Variants in ANKRD36C observed in about 807,000 individuals in gnomAD.
ANKRD36C encodes the protein ankyrin repeat domain-containing protein 36C.
A neutral mutation model predicts 276.4 loss-of-function variants in ANKRD36C; 61 were observed. That is an observed-to-expected ratio of 0.22 (90% CI 0.18 to 0.27). ANKRD36C has a LOEUF of 0.27. Among genes scored for constraint, ANKRD36C ranks in the 10% least tolerant of loss-of-function variants. The pLI is 1.00. For missense variants in ANKRD36C, 1,447 were observed against 2,032.3 expected (o/e 0.71, Z 5.54); for synonymous variants, 483 against 680.1 (o/e 0.71, Z 4.51).
intron 5 of ANKRD36C, among the ~76,000 whole-genome samples, chr2:95,980,361 A>G (rs1175267765): frequency 1.3e-5 from 2 of 152,124 alleles, no homozygotes; most frequent in African/African-American, 2.4e-5. Flanking sequence ...TCCTATGCAT[A>G]GGGGTTATAC....
At chr2:95,916,609 C>A (rs374479241) in intron 36 of ANKRD36C, among the ~76,000 whole-genome samples, 4 of 151,612 alleles carry the variant, frequency 2.6e-5, no homozygotes, top group Non-Finnish European at 4.4e-5. Context: ...CTTTAACTTG[C>A]CCAATAACTG....
chr2:95,892,880 G>C (rs1013424554), intron 44 of ANKRD36C, among the ~76,000 whole-genome samples: 8 of 151,186 alleles, frequency 5.3e-5, no homozygotes, highest in Non-Finnish European at 1.0e-4. Context: ...TAGTAACAAA[G>C]AGGAGTAATG....
intron 6 of ANKRD36C, among the ~76,000 whole-genome samples, chr2:95,964,124 G>C (rs1678537807): frequency 6.9e-6 from 1 of 145,898 alleles, no homozygotes; most frequent in Non-Finnish European, 1.5e-5. Flanking sequence ...ATATACCATA[G>C]GGGTCTCTCA....
intron 6 of ANKRD36C, among the ~76,000 whole-genome samples, chr2:95,971,299 A>AGGGAACT (rs57818218): frequency 2.5e-5 from 2 of 81,074 alleles, no homozygotes; most frequent in Non-Finnish European, 3.2e-5. Flanking sequence ...ATATTTAAAT[A>AGGGAACT]TAAATATAAA....
intron 17 of ANKRD36C, among the ~76,000 whole-genome samples, chr2:95,946,261 A>G (rs999581045): frequency 6.6e-6 from 1 of 151,644 alleles, no homozygotes; most frequent in African/African-American, 2.4e-5. Flanking sequence ...TTGAACAGAC[A>G]CTTCTCAAAA....
chr2:95,891,702 T>G, exon 46 of ANKRD36C: 2 of 1,578,674 alleles, frequency 1.3e-6, no homozygotes, highest in Non-Finnish European at 1.7e-6. Context: ...TTCCTCTGGC[T>G]ATATTCAAAA....
intron 26 of ANKRD36C, among the ~76,000 whole-genome samples, chr2:95,928,682 T>C (rs1412329314): frequency 6.6e-6 from 1 of 151,504 alleles, no homozygotes; most frequent in East Asian, 1.9e-4. Flanking sequence ...TATGGAGTTA[T>C]TAGGATCACT....
chr2:95,963,958 AATATATATATATAAATATATAT>A (rs1678518980), intron 6 of ANKRD36C, among the ~76,000 whole-genome samples: 1 of 63,596 alleles, frequency 1.6e-5, no homozygotes, highest in Non-Finnish European at 3.1e-5. Context: ...TATATATATA[AATATATATATATAAATATATAT>A]ATATATATAT....
chr2:95,931,783 A>G (rs1677577994), intron 24 of ANKRD36C, among the ~76,000 whole-genome samples: 1 of 149,302 alleles, frequency 6.7e-6, no homozygotes, highest in Admixed American at 6.8e-5. Flanking sequence ...TGGAACAGAA[A>G]CATTTTCATT....
At chr2:95,887,666 T>A (rs1164190441) in intron 50 of ANKRD36C, among the ~76,000 whole-genome samples, 3 of 151,734 alleles carry the variant, frequency 2.0e-5, no homozygotes, top group Admixed American at 2.0e-4. Context: ...GCTGTTCCCC[T>A]GAGCCCCTTA....
At chr2:95,974,849 T>C (rs1390688095) in intron 6 of ANKRD36C, among the ~76,000 whole-genome samples, 2 of 127,270 alleles carry the variant, frequency 1.6e-5, no homozygotes, top group Admixed American at 1.8e-4. Flanking sequence ...TTCCCCTTCC[T>C]GTGTCCATGT....
exon 41 of ANKRD36C, chr2:95,912,411 A>C: frequency 1.2e-6 from 2 of 1,604,484 alleles, no homozygotes; most frequent in Non-Finnish European, 1.7e-6. Flanking sequence ...CATTACCTTC[A>C]AGGCTGGTTT....
intron 6 of ANKRD36C, 93 bp downstream of exon 6, chr2:95,978,029 T>A (rs77678563): frequency 5.6e-5 from 23 of 408,938 alleles, no homozygotes; most frequent in Non-Finnish European, 9.4e-5. Context: ...TAAACAGTGA[T>A]TTTTTTAAAC....
At chr2:95,880,551 G>T (rs897251175) in intron 57 of ANKRD36C, 44 bp downstream of exon 77, 6 of 1,531,544 alleles carry the variant, frequency 3.9e-6, no homozygotes, top group Middle Eastern at 2.1e-4. Context: ...ATTGGTATAG[G>T]TTATGCAGTT....
intron 57 of ANKRD36C, 40 bp downstream of exon 77, chr2:95,880,555 T>C (rs1341436205): frequency 6.5e-7 from 1 of 1,533,128 alleles, no homozygotes; most frequent in East Asian, 2.5e-5. Flanking sequence ...GTATAGGTTA[T>C]GCAGTTAATA....
At chr2:95,989,616 T>C (rs1309968440) in intron 1 of ANKRD36C, among the ~76,000 whole-genome samples, 3 of 152,092 alleles carry the variant, frequency 2.0e-5, no homozygotes, top group Non-Finnish European at 4.4e-5. Context: ...TAAGCAGTGC[T>C]GAGAAAAACA....
At chr2:95,954,538 T>C in intron 13 of ANKRD36C, among the ~76,000 whole-genome samples, 1 of 152,134 alleles carries the variant, frequency 6.6e-6, no homozygotes, top group East Asian at 1.9e-4. Context: ...CCATTGATTC[T>C]TTTCACCCTA....
chr2:95,951,529 A>T (rs62154612), intron 14 of ANKRD36C, 121 bp from the exon 15 acceptor site: 20,198 of 744,948 alleles, frequency 0.027, 186 homozygotes, highest in Non-Finnish European at 0.035. Context: ...TCATATGTAG[A>T]TTCAAACCTC....
At position 95,945,192 on chromosome 2, in the gene ANKRD36C, T is replaced by C; in HGVS notation, c.1363-18A>G. On this transcript the variant is annotated intron_variant, in intron 17 of 66. Coordinates refer to ENST00000456556, the Ensembl canonical transcript of ANKRD36C. ...GAAATATTCTAGAAGAAAGACACAATAGGTTTAAGAATAACATGCAGCAAG... is the reference window on the plus strand; with the variant it reads ...GAAATATTCTAGAAGAAAGACACAACAGGTTTAAGAATAACATGCAGCAAG... 1 of 1,537,468 alleles carries C rather than the reference T, an allele frequency of 6.5e-7. No individual in the cohort carries two copies. Among genetic ancestry groups the C allele is most frequent in the Non-Finnish European group, 8.7e-7 (1 of 1,146,550 alleles).
Sources: allele counts gnomAD v4.1 joint callset (sites outside exome capture counted in the v4.1 genomes callset), GRCh38; gene constraint gnomAD v4.1.1; transcripts MANE v1.5; gene names NCBI Gene and HGNC (gene_info 2026-07-23, HGNC 2026-07-21).